The following FAM228B variants were observed in gnomAD, a reference collection of about 807,000 sequenced individuals.
The protein encoded by FAM228B is protein FAM228B.
Under a neutral mutation model 42.6 loss-of-function variants are expected in FAM228B, and 38 were observed. The ratio of observed to expected loss-of-function variants is 0.89; its 90% CI spans 0.69 to 1.17. The LOEUF (loss-of-function observed/expected upper bound fraction) is 1.17. Ranked by LOEUF, FAM228B falls within the 50% of genes most tolerant of loss-of-function variation. The probability of loss-of-function intolerance (pLI) is 0.00; values close to 1 mark genes in which losing one functional copy is unlikely to be tolerated. For synonymous variants in FAM228B, 109 were observed against 122.3 expected (o/e 0.89, Z 0.72); for missense variants, 344 against 367.3 (o/e 0.94, Z 0.52).
At position 24,088,036 on chromosome 2, in the gene FAM228B, T is replaced by C. The variant is rs1573728603; in HGVS notation, c.-210+7081T>C. On this transcript the variant is annotated intron_variant, in intron 2 of 10. Coordinates refer to the FAM228B transcript ENST00000613899. Reference sequence around the variant, plus strand: ...GGGATTACAGGCGTGAGCCACTGGGTCCGGCCCATTTTTGTGGTTTTAGTA... The same window carrying C: ...GGGATTACAGGCGTGAGCCACTGGGCCCGGCCCATTTTTGTGGTTTTAGTA... Among the ~76,000 whole-genome samples, 6 of 151,490 alleles carry C rather than the reference T, an allele frequency of 4.0e-5. No homozygotes were observed. The South Asian group carries it at 1.3e-3, about 32-fold the overall frequency.
chr2:24,138,753 C>A (rs902763237), intron 4 of FAM228B, among the ~76,000 whole-genome samples: 1 of 151,314 alleles, frequency 6.6e-6, no homozygotes, highest in Non-Finnish European at 1.5e-5. Flanking sequence ...GTTGGGAGTT[C>A]GAGACCAGCC....
chr2:24,159,963 T>C (rs895370042), intron 7 of FAM228B, among the ~76,000 whole-genome samples: 11 of 152,120 alleles, frequency 7.2e-5, no homozygotes, highest in African/African-American at 2.4e-4. Flanking sequence ...ACTGCTGGTG[T>C]CTGGGTATGG....
intron 7 of FAM228B, among the ~76,000 whole-genome samples, chr2:24,147,562 C>T (rs2151023905): frequency 6.6e-6 from 1 of 152,154 alleles, no homozygotes; most frequent in African/African-American, 2.4e-5. Flanking sequence ...ATAGCTCTTA[C>T]TCTGTTCTGA....
chr2:24,149,950 T>C (rs1175471409), intron 7 of FAM228B, among the ~76,000 whole-genome samples: 1 of 152,234 alleles, frequency 6.6e-6, no homozygotes, highest in Non-Finnish European at 1.5e-5. Context: ...AACTTAAGAC[T>C]GATTGCATAT....
intron 7 of FAM228B, 123 bp from the exon 8 acceptor site, chr2:24,161,383 T>C (rs1158078890): frequency 2.1e-5 from 13 of 615,344 alleles, no homozygotes; most frequent in South Asian, 1.2e-4. Context: ...ACCCAGGAGG[T>C]TGAGGCTGCA....
At chr2:24,134,343 T>C (rs780301738) in intron 2 of FAM228B, among the ~76,000 whole-genome samples, 1 of 152,238 alleles carries the variant, frequency 6.6e-6, no homozygotes, top group Non-Finnish European at 1.5e-5. Flanking sequence ...GTGACATTTC[T>C]TCTATGTATA....
In FAM228B at chr2:24,143,544, G is replaced by GA. The variant is rs542326449; in HGVS notation, c.442-3203dup. 1.4e-4 allele frequency among the ~76,000 whole-genome samples: 22 copies of GA among 152,174 alleles called. No individual in the cohort carries two copies. The East Asian group carries it at 4.2e-3, about 29-fold the overall frequency. On this transcript the variant is annotated intron_variant, in intron 5 of 10. Coordinates refer to ENST00000615575, the MANE Select transcript of FAM228B (RefSeq NM_001145710.2). ...CTCTATATGGATTTTCTTCATATAT[G>GA]ACAACTAAAACAACAAATCTCAACA...
At chr2:24,150,707 G>A (rs112628169) in intron 7 of FAM228B, among the ~76,000 whole-genome samples, 2 of 152,260 alleles carry the variant, frequency 1.3e-5, no homozygotes, top group Admixed American at 6.5e-5. Flanking sequence ...TTACAGGCAT[G>A]AGCCACCATG....
rs1272001539 is a variant in FAM228B, at chr2:24,080,677, T to C, written c.-289-199T>C. The stretch of plus-strand genomic sequence containing the variant: ...GCCTGTCTCCAGTGGTCAAATACCA[T>C]AGTACTAGAATTTGGCCAGGGCAGC... On this transcript the variant is annotated intron_variant, in intron 1 of 10. Transcript: ENST00000613899. This position sits in a 1 kb window ranked among gnomAD's most constrained non-coding sequence, Gnocchi z 4.7. 4.6e-6 allele frequency: 4 copies of C among 861,990 alleles called. No individual in the cohort carries two copies. Among genetic ancestry groups the C allele is most frequent in the East Asian group, 2.4e-5 (1 of 41,292 alleles). 53.4% of individuals were successfully genotyped at this position (861,990 alleles called of 1,614,324 possible).
chr2:24,104,591 G>A (rs1406253486), intron 3 of FAM228B, among the ~76,000 whole-genome samples: 2 of 151,934 alleles, frequency 1.3e-5, no homozygotes, highest in East Asian at 2.0e-4. Context: ...CCCTGCTTCT[G>A]TGTGAACTCA....
chr2:24,096,611 C>T (rs540893401), intron 3 of FAM228B: 47 of 152,226 alleles, frequency 3.1e-4, no homozygotes, highest in African/African-American at 1.1e-3. Flanking sequence ...ATGAACAAAG[C>T]CTCCAAGACA....
At chr2:24,124,076 G>A in intron 1 of FAM228B, 2 of 260,136 alleles carry the variant, frequency 7.7e-6, no homozygotes, top group Admixed American at 5.2e-5. Flanking sequence ...GCTGGAATGG[G>A]CTGCCTTGGA....
chr2:24,090,001 C>T (rs1294952625), intron 2 of FAM228B, among the ~76,000 whole-genome samples: 1 of 147,668 alleles, frequency 6.8e-6, no homozygotes, highest in Admixed American at 6.8e-5. Context: ...ACGCCGGGCG[C>T]AGTGACTCAC....
chr2:24,146,773 C>T lies in FAM228B; in HGVS notation c.467C>T (p.Pro156Leu), dbSNP rs1350897179. ...LKVTIPPFHD[P>L]LKKAQYDKDN... ...GTTACCATCCCACCATTTCATGACC[C>T]TTTGAAAAAAGCACAATATGACAAG... The change falls in exon 6 of 11, where the codon CCT (proline) becomes CTT (leucine). Residue 156 changes from proline (P) to leucine (L), a missense_variant. By Grantham distance (98) the Pro-to-Leu change is moderately conservative. Coordinates refer to ENST00000615575, the MANE Select transcript of FAM228B (RefSeq NM_001145710.2). The T allele has an allele frequency of 6.5e-7, 1 of 1,549,978 alleles. No individual in the cohort carries two copies. The highest frequency in any genetic ancestry group is 1.2e-5 in the South Asian group (1 of 83,924).
intron 7 of FAM228B, among the ~76,000 whole-genome samples, chr2:24,157,350 T>C (rs191702658): frequency 1.3e-5 from 2 of 152,308 alleles, no homozygotes; most frequent in Admixed American, 1.3e-4. Context: ...TTTTATTTGG[T>C]AGGTACTATT....
In FAM228B at chr2:24,081,975, G is replaced by A. The variant is rs183075274; in HGVS notation, c.-210+1020G>A. On this transcript the variant is annotated intron_variant, in intron 2 of 10. Transcript: ENST00000613899. ...CGCCCAAAGTGCTGGGATTACAGGCGTGAGCCACCACGCCCAGCCTACTCT... is the reference window on the plus strand; with the variant it reads ...CGCCCAAAGTGCTGGGATTACAGGCATGAGCCACCACGCCCAGCCTACTCT... Among the ~76,000 whole-genome samples the A allele has an allele frequency of 3.3e-5, 5 of 151,920 alleles. No individual in the cohort carries two copies. The East Asian group carries it at 5.8e-4, about 18-fold the overall frequency.
chr2:24,134,639 A>G (rs1666535478), intron 2 of FAM228B, among the ~76,000 whole-genome samples: 1 of 152,234 alleles, frequency 6.6e-6, no homozygotes. Context: ...GAGCAGACAG[A>G]TCGAAATACT....
chr2:24,079,447 A>G (rs140931460), intron 1 of FAM228B: 2 of 1,613,706 alleles, frequency 1.2e-6, no homozygotes, highest in East Asian at 4.5e-5. Flanking sequence ...CACTCACCTT[A>G]TTGTCCCTAG....
intron 3 of FAM228B, among the ~76,000 whole-genome samples, chr2:24,105,836 C>T (rs72783636): frequency 0.16 from 24,432 of 152,086 alleles, 2,125 homozygotes; most frequent in South Asian, 0.21. Flanking sequence ...GTATTAACAG[C>T]GGAATAGACC....
Sources: gnomAD v4.1 joint callset for allele counts (sites outside exome capture counted in the v4.1 genomes callset) on GRCh38, gnomAD v4.1.1 for gene constraint, Gnocchi (gnomAD v3.1) non-coding constraint, MANE v1.5 for transcripts, NCBI Gene and HGNC (gene_info 2026-07-23, HGNC 2026-07-21) for gene names.